Variants in STK40 observed in about 807,000 individuals in gnomAD.
STK40 encodes the protein serine/threonine kinase 40, also known as serine/threonine-protein kinase 40.
A neutral mutation model predicts 47.9 loss-of-function variants in STK40; 13 were observed. That is an observed-to-expected ratio of 0.27 (90% CI 0.18 to 0.43). STK40 has a LOEUF of 0.43. Among genes scored for constraint, STK40 ranks in the 20% least tolerant of loss-of-function variants. The pLI is 1.00. For synonymous variants in STK40, 225 were observed against 243.2 expected, an observed-to-expected ratio of 0.93 and a Z score of 0.69; for missense variants, 460 against 595.1, an observed-to-expected ratio of 0.77 and a Z score of 2.36.
chr1:36,375,797 G>A (rs1646987523), intron 1 of STK40, among the ~76,000 whole-genome samples: 1 of 152,102 alleles, frequency 6.6e-6, no homozygotes, highest in African/African-American at 2.4e-5. Context: ...GAGGCGGGTG[G>A]ATCACCTGAG....
intron 1 of STK40, among the ~76,000 whole-genome samples, chr1:36,368,308 T>TCG: frequency 6.6e-6 from 1 of 152,290 alleles, no homozygotes; most frequent in African/African-American, 2.4e-5. Flanking sequence ...AGGGTCTTGC[T>TCG]CTGTCACCCA....
chr1:36,341,901 C>T lies in STK40; in HGVS notation c.1162G>A (p.Glu388Lys). The T allele has an allele frequency of 6.2e-7, 1 of 1,614,022 alleles. No individual in the cohort carries two copies. The highest frequency in any genetic ancestry group is 8.5e-7 in the Non-Finnish European group (1 of 1,179,976). Reference sequence around the variant, plus strand: ...CGGGCGTCATGGATGGAGCTCTTCTCCTCGGCCAGCAGCAGCTGCTGACGC... The same window carrying T: ...CGGGCGTCATGGATGGAGCTCTTCTTCTCGGCCAGCAGCAGCTGCTGACGC... ...YMRQQLLLAE[E>K]KSSIHDARSW... is the part of the protein sequence containing the mutation. The change falls in exon 11 of 11, where the codon GAG (glutamate) becomes AAG (lysine). Residue 388 changes from glutamate to lysine, a missense_variant. Physicochemically the swap from Glu to Lys is moderately conservative, Grantham distance 56. This residue lies in a region of STK40 where 181 missense variants were observed against 218.9 expected (regional missense o/e 0.83). Transcript: ENST00000373132.
chr1:36,365,092 A>G (rs1646890088), intron 1 of STK40, among the ~76,000 whole-genome samples: 1 of 151,696 alleles, frequency 6.6e-6, no homozygotes, highest in South Asian at 2.1e-4. Flanking sequence ...CCCAGGTTCA[A>G]GTGATTCTCC....
intron 1 of STK40, among the ~76,000 whole-genome samples, chr1:36,362,080 C>A (rs920953037): frequency 7.2e-5 from 11 of 152,194 alleles, no homozygotes; most frequent in Non-Finnish European, 1.6e-4. Flanking sequence ...AAGAACACTA[C>A]TGAAGATCAC....
chr1:36,358,696 GC>G, intron 3 of STK40, 40 bp downstream of exon 3: 2 of 1,602,832 alleles, frequency 1.2e-6, no homozygotes, highest in Non-Finnish European at 1.7e-6. Flanking sequence ...GGCATGACAG[GC>G]CCTGTTCCTG....
At chr1:36,343,126 G>A in intron 10 of STK40, 1 of 654,798 alleles carries the variant, frequency 1.5e-6, no homozygotes. Flanking sequence ...ACTGGCTCCA[G>A]CTCGGCTGTC....
intron 1 of STK40, among the ~76,000 whole-genome samples, chr1:36,377,532 C>CAGAAA (rs1647002070): frequency 2.8e-5 from 1 of 35,502 alleles, no homozygotes; most frequent in African/African-American, 8.1e-5. Context: ...GACTCCGTCT[C>CAGAAA]AAAAAAAAAA....
chr1:36,355,487 G>T, intron 4 of STK40, 54 bp from the exon 5 acceptor site: 1 of 1,574,188 alleles, frequency 6.4e-7, no homozygotes, highest in Non-Finnish European at 8.7e-7. Context: ...CAGGGCCAAG[G>T]CCAGGGCCTG....
rs772438289 is a variant in STK40, at chr1:36,361,316, G to A, written c.17C>T (p.Ser6Leu). 1.9e-6 allele frequency: 3 copies of A among 1,614,202 alleles called. No individual in the cohort carries two copies. The Admixed American group carries it at 5.0e-5, about 27-fold the overall frequency. The part of the protein sequence containing the change: MKRRA[S>L]DRGAGETSAR... ...CGACGTTTCCCCAGCTCCTCTGTCT[G>A]ATGCTCTCCGCTTCATTCTCAGCTC... The change falls in exon 2 of 11, where the codon TCA becomes TTA. Residue 6 changes from serine to leucine, a missense_variant. Ser to Leu is a moderately radical substitution (Grantham distance 145). Transcript: ENST00000373132.
At chr1:36,355,567 G>T in intron 4 of STK40, 134 bp from the exon 5 acceptor site, 1 of 940,740 alleles carries the variant, frequency 1.1e-6, no homozygotes, top group Non-Finnish European at 1.7e-6. Flanking sequence ...GTGCGGGCCA[G>T]AGAGGACTGA....
At chr1:36,348,525 C>T (rs376919161) in intron 7 of STK40, among the ~76,000 whole-genome samples, 175 bp downstream of exon 7, 47 of 152,224 alleles carry the variant, frequency 3.1e-4, no homozygotes, top group African/African-American at 1.0e-3. Flanking sequence ...GTTATCATTA[C>T]GTCTTCCACC....
chr1:36,362,692 T>C (rs1184310449), intron 1 of STK40: 4 of 152,088 alleles, frequency 2.6e-5, no homozygotes, highest in Non-Finnish European at 5.9e-5. Flanking sequence ...TGTGCAAAAA[T>C]AAGAAAATAA....
Position 36,354,359 on chromosome 1 carries a change from C to T in STK40, c.623+5G>A. On this transcript the variant is annotated splice_donor_5th_base_variant and intron_variant, in intron 6 of 10. Coordinates refer to ENST00000373132, the MANE Select transcript of STK40 (RefSeq NM_001282547.2). ...ACTGTATGGATGTAGAGACAGGGATCTTACCTCTTGTTGAGCACCATGTTC... is the reference window on the plus strand; with the variant it reads ...ACTGTATGGATGTAGAGACAGGGATTTTACCTCTTGTTGAGCACCATGTTC... 1.2e-6 allele frequency: 2 copies of T among 1,614,010 alleles called. No homozygotes were observed. The highest frequency in any genetic ancestry group is 1.7e-6 in the Non-Finnish European group (2 of 1,179,914).
intron 4 of STK40, among the ~76,000 whole-genome samples, chr1:36,356,427 T>C (rs1218441168): frequency 5.0e-5 from 7 of 141,070 alleles, no homozygotes; most frequent in South Asian, 2.3e-4. Flanking sequence ...TCTTTTTTTT[T>C]TTTTTTTTTT....
intron 7 of STK40, 22 bp from the exon 8 acceptor site, chr1:36,344,286 A>C: frequency 6.4e-7 from 1 of 1,569,640 alleles, no homozygotes; most frequent in Non-Finnish European, 8.6e-7. Context: ...CACATACCAC[A>C]CTGTCTTCAG....
intron 1 of STK40, among the ~76,000 whole-genome samples, chr1:36,380,119 C>T (rs1293122522): frequency 6.6e-6 from 1 of 152,188 alleles, no homozygotes; most frequent in Non-Finnish European, 1.5e-5. Context: ...CCTTTCCCCT[C>T]TAGGATCTTG....
In STK40 at chr1:36,340,522, C is replaced by T. The variant is rs899105556; in HGVS notation, c.*1233G>A. 1 of 152,654 alleles carries T rather than the reference C, an allele frequency of 6.6e-6. No individual in the cohort carries two copies. The highest frequency in any genetic ancestry group is 2.4e-5 in the African/African-American group (1 of 41,354). 9.5% of individuals were successfully genotyped at this position (152,654 alleles called of 1,614,324 possible). On this transcript the variant is annotated 3_prime_UTR_variant, in exon 11 of 11. Transcript: ENST00000373132. The stretch of plus-strand genomic sequence containing the variant: ...GGGGGGTAGGCCTCTGGGGAAGGGT[C>T]TTTGCTTGGCATCAGGCAGGGCCAA...
chr1:36,342,084 TC>T, intron 10 of STK40, 111 bp from the exon 11 acceptor site: 1 of 1,023,650 alleles, frequency 9.8e-7, no homozygotes, highest in Non-Finnish European at 1.5e-6. Flanking sequence ...CAGTCACCCT[TC>T]CAGGCACCAC....
At chr1:36,372,145 G>C (rs145773828) in intron 1 of STK40, among the ~76,000 whole-genome samples, 20 of 152,124 alleles carry the variant, frequency 1.3e-4, no homozygotes, top group Admixed American at 3.3e-4. Flanking sequence ...AATGATAACT[G>C]ATCACCTCCC....
Sources: allele counts gnomAD v4.1 joint callset (sites outside exome capture counted in the v4.1 genomes callset), GRCh38; gene constraint gnomAD v4.1.1; regional missense constraint gnomAD v4.1.1; transcripts MANE v1.5; gene names NCBI Gene and HGNC (gene_info 2026-07-23, HGNC 2026-07-21).